Variants in ZSCAN32 observed in about 807,000 individuals in gnomAD.
ZSCAN32 encodes the protein zinc finger and SCAN domain containing 32.
A neutral mutation model predicts 47.4 loss-of-function variants in ZSCAN32; 52 were observed. The ratio of observed to expected loss-of-function variants is 1.10; its 90% CI spans 0.88 to 1.38. ZSCAN32 has a LOEUF of 1.38. Ranked by LOEUF, ZSCAN32 falls within the 40% of genes most tolerant of loss-of-function variation. ZSCAN32 has a pLI of 0.00. For synonymous variants in ZSCAN32, 346 were observed against 305.7 expected (o/e 1.13, Z -1.38); for missense variants, 959 against 846.0 (o/e 1.13, Z -1.66).
At chr16:3,384,215 T>C (rs2031643536) in intron 6 of ZSCAN32, 1 of 602,412 alleles carries the variant, frequency 1.7e-6, no homozygotes, top group Non-Finnish European at 2.9e-6. Flanking sequence ...TGACAATGCA[T>C]AGTGAAACTC....
rs760760111 is a variant in ZSCAN32 at position 3,388,271 on chromosome 16, A to G, written c.751+1739T>C. On this transcript the variant is annotated intron_variant, in intron 5 of 6. Coordinates refer to ENST00000396852, the MANE Select transcript of ZSCAN32 (RefSeq NM_001284527.2). ...GGCATGCCCACCTCGCTCCAGCCCA[A>G]GTCATTGCGTCTGTCTTACACTCTT... Among the ~76,000 whole-genome samples, 121 of 152,164 alleles carry G rather than the reference A, an allele frequency of 8.0e-4. 1 individual carries two copies. Among genetic ancestry groups the G allele is most frequent in the Non-Finnish European group, 2.5e-4 (17 of 68,030 alleles).
intron 3 of ZSCAN32, among the ~76,000 whole-genome samples, chr16:3,393,179 T>A (rs2032927640): frequency 1.6e-5 from 1 of 64,134 alleles, no homozygotes; most frequent in African/African-American, 7.9e-5. Flanking sequence ...TCTATATATA[T>A]ATTTCTATAT....
At position 3,390,551 on chromosome 16, in the gene ZSCAN32, CT is replaced by C. The variant is rs952468775; in HGVS notation, c.533-35del. 7.3e-6 allele frequency: 11 copies of C among 1,515,832 alleles called. No individual in the cohort carries two copies. The African/African-American group carries it at 1.5e-4, about 21-fold the overall frequency. The allele number at this position is 1,515,832 out of a possible 1,614,324, so 93.9% of individuals were successfully genotyped here. On this transcript the variant is annotated intron_variant, in intron 3 of 6. Coordinates refer to ENST00000396852, the MANE Select transcript of ZSCAN32 (RefSeq NM_001284527.2). ...AAAAACAGCCGCTATTAGAGGGCGG[CT>C]TCCACACAACAGCACAGAGCAGAAG...
intron 5 of ZSCAN32, among the ~76,000 whole-genome samples, chr16:3,385,589 A>C (rs1319394477): frequency 2.0e-5 from 3 of 152,334 alleles, no homozygotes; most frequent in South Asian, 2.1e-4. Context: ...CTGGTACAAA[A>C]ACAGAGAAAT....
At chr16:3,387,779 G>A (rs2032194750) in intron 5 of ZSCAN32, among the ~76,000 whole-genome samples, 1 of 152,214 alleles carries the variant, frequency 6.6e-6, no homozygotes, top group Admixed American at 6.5e-5. Context: ...CTAACACTGA[G>A]TGCCTACAAT....
At chr16:3,384,252 T>C (rs2031651286) in intron 6 of ZSCAN32, 2 of 646,972 alleles carry the variant, frequency 3.1e-6, no homozygotes, top group East Asian at 2.8e-5. Flanking sequence ...ATGAACTTAG[T>C]TGAAAGAGGT....
In ZSCAN32 at chr16:3,383,217, A is replaced by G. The variant is rs1002864479; in HGVS notation, c.1729T>C (p.Tyr577His). ...CTTTTCCCACATTGCCCACACTGATAGGGCCTCTCCCCTGTGTGAGTTCGT... is the reference window on the plus strand; with the variant it reads ...CTTTTCCCACATTGCCCACACTGATGGGGCCTCTCCCCTGTGTGAGTTCGT... The part of the protein sequence containing the change: ...HLRTHTGERP[Y>H]QCGQCGKSFN... The change falls in exon 7 of 7, where the codon TAT becomes CAT. Residue 577 changes from tyrosine to histidine, a missense_variant. By Grantham distance (83) the Tyr-to-His change is moderately conservative (BLOSUM62 2). Coordinates refer to ENST00000396852, the MANE Select transcript of ZSCAN32 (RefSeq NM_001284527.2). 3 of 1,614,056 alleles carry G rather than the reference A, an allele frequency of 1.9e-6. No homozygotes were observed. Among genetic ancestry groups the G allele is most frequent in the African/African-American group, 2.7e-5 (2 of 74,932 alleles).
Position 3,390,433 on chromosome 16 carries a change from G to A in ZSCAN32, c.617C>T (p.Ala206Val), listed in dbSNP as rs1390325823. Reference protein sequence around the residue: ...DQETGAVVWTAGSQGPAMRDN... With the variant: ...DQETGAVVWTVGSQGPAMRDN... ...TCAACCACAGCTCACCTGGGACCCAGCTGTCCAGACCACAGCACCTGTCTC... is the reference window on the plus strand; with the variant it reads ...TCAACCACAGCTCACCTGGGACCCAACTGTCCAGACCACAGCACCTGTCTC... The change falls in exon 4 of 7, where the codon GCT (alanine) becomes GTT (valine). Residue 206 changes from alanine (A) to valine (V), a missense_variant. By Grantham distance (64) the Ala-to-Val change is moderately conservative. Coordinates refer to ENST00000396852, the MANE Select transcript of ZSCAN32 (RefSeq NM_001284527.2). 5 of 1,550,018 alleles carry A rather than the reference G, an allele frequency of 3.2e-6. No homozygotes were observed. Among genetic ancestry groups the A allele is most frequent in the Non-Finnish European group, 8.7e-7 (1 of 1,146,770 alleles).
At chr16:3,399,758 T>G (rs1407569130) in intron 1 of ZSCAN32, among the ~76,000 whole-genome samples, 1 of 152,088 alleles carries the variant, frequency 6.6e-6, no homozygotes, top group Non-Finnish European at 1.5e-5. Flanking sequence ...AAAAATAATT[T>G]TAAATAGAAG....
At chr16:3,393,845 A>G (rs1489632021) in intron 2 of ZSCAN32, 31 bp from the exon 3 acceptor site, 23 of 1,506,200 alleles carry the variant, frequency 1.5e-5, no homozygotes, top group Non-Finnish European at 2.0e-5. Flanking sequence ...CTATCACTAC[A>G]AATTCCTGCC....
At chr16:3,392,244 G>A (rs1026448279) in intron 3 of ZSCAN32, among the ~76,000 whole-genome samples, 4 of 152,126 alleles carry the variant, frequency 2.6e-5, no homozygotes, top group Non-Finnish European at 5.9e-5. Context: ...TTTCCTTTTC[G>A]GGAGGATAAA....
intron 3 of ZSCAN32, among the ~76,000 whole-genome samples, chr16:3,391,153 C>T (rs138688864): frequency 3.9e-5 from 6 of 152,284 alleles, no homozygotes; most frequent in East Asian, 1.9e-4. Context: ...TGTGACCCTT[C>T]GGGAGGTGAC....
intron 5 of ZSCAN32, among the ~76,000 whole-genome samples, chr16:3,385,364 C>A (rs900120047): frequency 3.9e-5 from 6 of 152,202 alleles, no homozygotes; most frequent in Admixed American, 2.0e-4. Flanking sequence ...AATGGCCATA[C>A]TGCTCAAGGT....
chr16:3,393,900 T>C, intron 2 of ZSCAN32, 86 bp from the exon 3 acceptor site: 1 of 1,230,740 alleles, frequency 8.1e-7, no homozygotes, highest in Non-Finnish European at 1.1e-6. Flanking sequence ...AAAAAATGTG[T>C]AACATAAGGA....
intron 3 of ZSCAN32, among the ~76,000 whole-genome samples, chr16:3,392,690 G>T (rs987159291): frequency 1.3e-5 from 2 of 152,064 alleles, no homozygotes; most frequent in Admixed American, 1.3e-4. Flanking sequence ...AGCCGGGCAT[G>T]GTGGCGGGTG....
At chr16:3,391,716 TAGAC>T (rs966234147) in intron 3 of ZSCAN32, among the ~76,000 whole-genome samples, 5 of 151,078 alleles carry the variant, frequency 3.3e-5, no homozygotes, top group Admixed American at 2.6e-4. Flanking sequence ...TAAAATCTCT[TAGAC>T]AATTTTCCAG....
chr16:3,384,340 T>C, intron 6 of ZSCAN32, 119 bp downstream of exon 6: 1 of 1,409,244 alleles, frequency 7.1e-7, no homozygotes. Flanking sequence ...TTGGATAGGG[T>C]CACACATCAA....
Position 3,382,879 on chromosome 16 carries a change from T to C in ZSCAN32, c.2067A>G (p.Ser689=). ...ATAACGCATCTCTTCCTTCCTGTGA[T>C]GAGAGTACTGCTTTCATGTGTACTG... ...HQTVHMKAVL[S]SQEGRDAL The change falls in exon 7 of 7, where the codon TCA becomes TCG. Residue 689 remains serine, a synonymous_variant. Coordinates refer to ENST00000396852, the MANE Select transcript of ZSCAN32 (RefSeq NM_001284527.2). The C allele has an allele frequency of 6.3e-7, 1 of 1,576,108 alleles. No individual in the cohort carries two copies. The highest frequency in any genetic ancestry group is 2.3e-5 in the East Asian group (1 of 44,358).
intron 2 of ZSCAN32, among the ~76,000 whole-genome samples, chr16:3,396,338 T>G (rs2150905933): frequency 6.6e-6 from 1 of 152,274 alleles, no homozygotes; most frequent in South Asian, 2.1e-4. Context: ...CCAAATTTCA[T>G]CTATATCCCC....
Sources: allele counts gnomAD v4.1 joint callset (sites outside exome capture counted in the v4.1 genomes callset), GRCh38; gene constraint gnomAD v4.1.1; transcripts MANE v1.5; gene names NCBI Gene and HGNC (gene_info 2026-07-23, HGNC 2026-07-21).